TC2N: variants seen among roughly 807,000 people sequenced by gnomAD.
The protein encoded by TC2N is tandem C2 domains nuclear protein.
In TC2N, 51 loss-of-function variants were observed where a neutral mutation model predicts 61.9. That is an observed-to-expected ratio of 0.82 (90% confidence interval 0.66 to 1.04). The LOEUF is 1.04. TC2N is among the 50% of genes least tolerant of loss of function. TC2N has a pLI of 0.00. For synonymous variants in TC2N, 204 were observed against 192.6 expected, an observed-to-expected ratio of 1.06 and a Z score of -0.49; for missense variants, 556 against 566.7, an observed-to-expected ratio of 0.98 and a Z score of 0.19.
At chr14:91,807,248 C>G (rs1886551655) in intron 3 of TC2N, among the ~76,000 whole-genome samples, 1 of 152,172 alleles carries the variant, frequency 6.6e-6, no homozygotes, top group African/African-American at 2.4e-5. Context: ...AGTTGAAGCC[C>G]CCACAGAGTC....
chr14:91,808,061 C>T (rs1886595987), intron 3 of TC2N, among the ~76,000 whole-genome samples: 1 of 152,172 alleles, frequency 6.6e-6, no homozygotes, highest in South Asian at 2.1e-4. Context: ...ACATGCCTTT[C>T]ACCTTCTGCC....
chr14:91,865,571 G>A (rs181251204), intron 1 of TC2N, among the ~76,000 whole-genome samples: 39 of 151,146 alleles, frequency 2.6e-4, no homozygotes, highest in Non-Finnish European at 4.4e-5. Flanking sequence ...AAGTGCTCAC[G>A]TTTTTTTTCA....
At chr14:91,844,994 G>A (rs1888241776) in intron 1 of TC2N, among the ~76,000 whole-genome samples, 1 of 151,868 alleles carries the variant, frequency 6.6e-6, no homozygotes, top group East Asian at 1.9e-4. Flanking sequence ...CAGCACTTTG[G>A]GAGGCTGAGA....
At chr14:91,816,135 T>C (rs895909449) in intron 1 of TC2N, among the ~76,000 whole-genome samples, 1 of 151,840 alleles carries the variant, frequency 6.6e-6, no homozygotes, top group South Asian at 2.1e-4. Context: ...ATCTGTAAGA[T>C]AGATTCCTAG....
intron 1 of TC2N, among the ~76,000 whole-genome samples, chr14:91,824,625 T>C (rs2139884146): frequency 6.6e-6 from 1 of 152,344 alleles, no homozygotes; most frequent in South Asian, 2.1e-4. Flanking sequence ...TGCTAGGCAC[T>C]GAAGACAAAA....
rs1238347978 is a variant in TC2N, at chr14:91,792,466, G to A, written c.948C>T (p.Pro316=). ...RLVFKIQTQT[P]RKKTIGECSM... ...AGCATTCTCCAATGGTTTTCTTCCT[G>A]GGAGTCTGGGTTTGAATCTTAAATA... Residue 316 remains proline (P), a synonymous_variant, in exon 9 of 12, where the codon CCC becomes CCT. Transcript: ENST00000435962. 2.5e-6 allele frequency: 4 copies of A among 1,611,076 alleles called. No individual in the cohort carries two copies. The highest frequency in any genetic ancestry group is 2.5e-6 in the Non-Finnish European group (3 of 1,178,102).
chr14:91,838,127 G>GTC (rs1432785951), intron 1 of TC2N, among the ~76,000 whole-genome samples: 2 of 149,338 alleles, frequency 1.3e-5, no homozygotes, highest in African/African-American at 2.5e-5. Flanking sequence ...TATTCATTCT[G>GTC]TCTCTCTCTC....
intron 9 of TC2N, among the ~76,000 whole-genome samples, chr14:91,790,553 A>C (rs1885594420): frequency 6.6e-6 from 1 of 152,188 alleles, no homozygotes. Flanking sequence ...TATTTATAAA[A>C]TCTCTGATAC....
At chr14:91,821,517 C>A (rs1356599343) in intron 1 of TC2N, among the ~76,000 whole-genome samples, 3 of 151,720 alleles carry the variant, frequency 2.0e-5, no homozygotes, top group Non-Finnish European at 4.4e-5. Context: ...GATTATGCAC[C>A]TATATGTAAG....
intron 9 of TC2N, among the ~76,000 whole-genome samples, chr14:91,788,923 GAACT>G (rs1349843358): frequency 6.6e-6 from 1 of 151,316 alleles, no homozygotes; most frequent in African/African-American, 2.4e-5. Context: ...GAATGAGAAT[GAACT>G]AACAACTTTT....
intron 1 of TC2N, among the ~76,000 whole-genome samples, chr14:91,847,906 C>G (rs150502012): frequency 6.6e-6 from 1 of 152,220 alleles, no homozygotes; most frequent in Non-Finnish European, 1.5e-5. Context: ...TTTTCCTTCC[C>G]TTTTCTCTGT....
At chr14:91,840,834 C>T (rs1449671267) in intron 1 of TC2N, among the ~76,000 whole-genome samples, 6 of 151,878 alleles carry the variant, frequency 4.0e-5, no homozygotes, top group African/African-American at 1.5e-4. Flanking sequence ...TAACTGTTAC[C>T]CACTAAACTA....
intron 1 of TC2N, among the ~76,000 whole-genome samples, chr14:91,823,876 C>T (rs1887375997): frequency 6.6e-6 from 1 of 152,164 alleles, no homozygotes; most frequent in East Asian, 1.9e-4. Context: ...CCTTCAACTT[C>T]TTCATCAATT....
At chr14:91,833,229 C>T (rs1439699633) in intron 1 of TC2N, among the ~76,000 whole-genome samples, 2 of 152,048 alleles carry the variant, frequency 1.3e-5, no homozygotes, top group African/African-American at 2.4e-5. Context: ...CTATTTTGCA[C>T]ATATGAAATA....
chr14:91,801,675 A>G (rs1886256453), intron 4 of TC2N, among the ~76,000 whole-genome samples: 1 of 152,230 alleles, frequency 6.6e-6, no homozygotes, highest in East Asian at 1.9e-4. Flanking sequence ...ACTCTGTCTC[A>G]AAACAACAAC....
chr14:91,825,219 A>G (rs1887445108), intron 1 of TC2N, among the ~76,000 whole-genome samples: 1 of 151,454 alleles, frequency 6.6e-6, no homozygotes. Context: ...TTTTTAGTAG[A>G]GACGGGGTTT....
At chr14:91,817,745 A>G (rs908548346) in intron 1 of TC2N, among the ~76,000 whole-genome samples, 4 of 152,170 alleles carry the variant, frequency 2.6e-5, no homozygotes, top group Admixed American at 2.6e-4. Context: ...CTTCAGGGGG[A>G]AAAGTCCTCA....
At chr14:91,842,775 C>T (rs1338204111) in intron 1 of TC2N, among the ~76,000 whole-genome samples, 1 of 152,192 alleles carries the variant, frequency 6.6e-6, no homozygotes, top group Non-Finnish European at 1.5e-5. Flanking sequence ...ACAGAAGGGA[C>T]TAACCTGTCA....
At chr14:91,829,572 T>C (rs965002804) in intron 1 of TC2N, among the ~76,000 whole-genome samples, 2 of 152,156 alleles carry the variant, frequency 1.3e-5, no homozygotes, top group African/African-American at 4.8e-5. Flanking sequence ...TTTAGACTCC[T>C]GATCTCTGAA....
Sources: gnomAD v4.1 joint callset for allele counts (sites outside exome capture counted in the v4.1 genomes callset) on GRCh38, gnomAD v4.1.1 for gene constraint, MANE v1.5 for transcripts, NCBI Gene and HGNC (gene_info 2026-07-23, HGNC 2026-07-21) for gene names.